Variants in CAMTA1 observed in about 807,000 individuals in gnomAD.
CAMTA1 encodes calmodulin-binding transcription activator 1.
Under a neutral mutation model 170.9 loss-of-function variants are expected in CAMTA1, and 27 were observed. That is an observed-to-expected ratio of 0.16 (90% CI 0.12 to 0.22). The LOEUF (loss-of-function observed/expected upper bound fraction) is 0.22, where lower values mean the gene tolerates loss of function less well. Among genes scored for constraint, CAMTA1 ranks in the 10% least tolerant of loss-of-function variants. The pLI, the probability that CAMTA1 is intolerant of heterozygous loss-of-function variation, is 1.00. For synonymous variants in CAMTA1, 833 were observed against 891.5 expected (o/e 0.93, Z 1.17); for missense variants, 1,619 against 2,217.2 (o/e 0.73, Z 5.42).
intron 5 of CAMTA1, among the ~76,000 whole-genome samples, chr1:7,367,843 G>A (rs2086099424): frequency 1.3e-5 from 2 of 152,088 alleles, no homozygotes; most frequent in South Asian, 4.1e-4. Flanking sequence ...ACTGGGCACA[G>A]GCCCTGGGCA....
At position 7,739,292 on chromosome 1, in the gene CAMTA1, G is replaced by A. The variant is rs150859478; in HGVS notation, c.4182+810G>A. ...CAAGGAGAGGGAGGTGTGTGGAGGA[G>A]ATCATATGTCCTGGTCAGCATATCT... is the stretch of plus-strand genomic sequence containing the variant. On this transcript the variant is annotated intron_variant, in intron 16 of 22. Coordinates refer to ENST00000303635, the MANE Select transcript of CAMTA1 (RefSeq NM_015215.4). 2.0e-5 allele frequency among the ~76,000 whole-genome samples: 3 copies of A among 152,302 alleles called. No homozygotes were observed. The East Asian group carries it at 5.8e-4, about 29-fold the overall frequency.
At chr1:7,517,930 C>T (rs1204504336) in intron 6 of CAMTA1, among the ~76,000 whole-genome samples, 1 of 151,908 alleles carries the variant, frequency 6.6e-6, no homozygotes, top group Admixed American at 6.5e-5. Context: ...CTCTGAGAGC[C>T]CAGGGTTAAG....
chr1:7,313,029 C>T (rs1166896196), intron 5 of CAMTA1, among the ~76,000 whole-genome samples: 1 of 151,896 alleles, frequency 6.6e-6, no homozygotes, highest in Admixed American at 6.6e-5. Flanking sequence ...GATTATGGTT[C>T]CTTTCTTGTG....
At chr1:7,505,712 C>T (rs991920916) in intron 6 of CAMTA1, among the ~76,000 whole-genome samples, 1 of 152,188 alleles carries the variant, frequency 6.6e-6, no homozygotes, top group Non-Finnish European at 1.5e-5. Flanking sequence ...TGACAGATAA[C>T]CTTGGAATGT....
chr1:7,237,555 TA>T (rs1244538066), intron 4 of CAMTA1, among the ~76,000 whole-genome samples: 1 of 152,118 alleles, frequency 6.6e-6, no homozygotes, highest in Non-Finnish European at 1.5e-5. Flanking sequence ...CTACACTTTT[TA>T]TTTTGCAGAA....
At position 7,581,385 on chromosome 1, in the gene CAMTA1, A is replaced by G. The variant is rs533384161; in HGVS notation, c.511-59015A>G. Among the ~76,000 whole-genome samples the G allele has an allele frequency of 5.3e-5, 8 of 152,368 alleles. No homozygotes were observed. In the South Asian group the frequency reaches 1.7e-3, roughly 32 times the overall value. ...TTCATCTATTTGTTTTGCAACTAGC[A>G]CTAGCGGCTTCATTACTCTGTTCCC... On this transcript the variant is annotated intron_variant, in intron 6 of 22. Transcript: ENST00000303635.
rs149702154 is a variant in CAMTA1, at chr1:7,737,262, C to T, written c.3350C>T (p.Ala1117Val). 2.9e-5 allele frequency: 46 copies of T among 1,612,968 alleles called. No homozygotes were observed. The highest frequency in any genetic ancestry group is 2.2e-4 in the Admixed American group (13 of 59,970). The change falls in exon 15 of 23, where the codon GCG becomes GTG. Residue 1117 changes from alanine (A) to valine (V), a missense_variant. Coordinates refer to ENST00000303635, the MANE Select transcript of CAMTA1 (RefSeq NM_015215.4). Reference protein sequence around the residue: ...DHFSCTPLMWACALGHLEAAV... With the variant: ...DHFSCTPLMWVCALGHLEAAV... ...TGTCTCCCTGTCTTCTAGATGTGGGCGTGTGCCCTAGGGCACTTGGAAGCT... is the reference window on the plus strand; with the variant it reads ...TGTCTCCCTGTCTTCTAGATGTGGGTGTGTGCCCTAGGGCACTTGGAAGCT...
intron 3 of CAMTA1, among the ~76,000 whole-genome samples, chr1:6,921,792 C>T (rs552168084): frequency 7.2e-5 from 11 of 152,280 alleles, no homozygotes; most frequent in South Asian, 4.2e-4. Context: ...GAGACTTATT[C>T]GCTATTATAA....
At chr1:6,848,251 A>G (rs952714522) in intron 3 of CAMTA1, among the ~76,000 whole-genome samples, 7 of 151,990 alleles carry the variant, frequency 4.6e-5, no homozygotes, top group South Asian at 2.1e-4. Context: ...GCCTCAAACA[A>G]TCCTCTCATA....
At chr1:6,804,743 A>C (rs930013790) in intron 1 of CAMTA1, among the ~76,000 whole-genome samples, 17 of 152,032 alleles carry the variant, frequency 1.1e-4, no homozygotes, top group African/African-American at 3.9e-4. Context: ...TATAATAGAG[A>C]TGGGGGTCTC....
intron 5 of CAMTA1, among the ~76,000 whole-genome samples, chr1:7,283,106 A>C (rs1671747793): frequency 6.6e-6 from 1 of 152,188 alleles, no homozygotes; most frequent in African/African-American, 2.4e-5. Flanking sequence ...AAAAGAGCAT[A>C]AAGAAGAGTA....
intron 1 of CAMTA1, among the ~76,000 whole-genome samples, chr1:6,798,698 G>C (rs992761682): frequency 7.3e-6 from 1 of 136,394 alleles, no homozygotes; most frequent in African/African-American, 2.8e-5. Flanking sequence ...CCGGGTTCAC[G>C]CCATTCTCCT....
intron 4 of CAMTA1, among the ~76,000 whole-genome samples, chr1:7,230,458 C>A: frequency 7.2e-6 from 1 of 139,032 alleles, no homozygotes; most frequent in African/African-American, 2.7e-5. Context: ...CCGCAAAGCT[C>A]TGTGGAAAGC....
At chr1:7,717,389 A>G (rs1055363376) in intron 11 of CAMTA1, among the ~76,000 whole-genome samples, 1 of 152,098 alleles carries the variant, frequency 6.6e-6, no homozygotes, top group African/African-American at 2.4e-5. Context: ...TCTTTCCACA[A>G]CGTTCATGTA....
At chr1:7,284,926 C>T (rs1352494779) in intron 5 of CAMTA1, among the ~76,000 whole-genome samples, 1 of 152,184 alleles carries the variant, frequency 6.6e-6, no homozygotes, top group Non-Finnish European at 1.5e-5. Flanking sequence ...AAGGATAGCC[C>T]AGTGGAGGGA....
intron 3 of CAMTA1, among the ~76,000 whole-genome samples, chr1:6,850,503 G>A (rs1294207655): frequency 6.6e-6 from 1 of 152,196 alleles, no homozygotes; most frequent in Non-Finnish European, 1.5e-5. Context: ...GGAGAGTAGG[G>A]AAGATTTTTC....
intron 11 of CAMTA1, among the ~76,000 whole-genome samples, chr1:7,722,534 G>T (rs1170876755): frequency 6.6e-6 from 1 of 151,940 alleles, no homozygotes; most frequent in East Asian, 1.9e-4. Context: ...AGCTATTCTG[G>T]GATTATGAGT....
intron 7 of CAMTA1, among the ~76,000 whole-genome samples, chr1:7,655,088 CTA>C (rs1299910664): frequency 2.7e-4 from 16 of 59,700 alleles, no homozygotes; most frequent in African/African-American, 1.1e-3. Context: ...ACACACCCAC[CTA>C]TACACACACA....
intron 6 of CAMTA1, among the ~76,000 whole-genome samples, chr1:7,613,990 C>T (rs2095541959): frequency 7.4e-6 from 1 of 134,616 alleles, no homozygotes; most frequent in South Asian, 2.6e-4. Context: ...GGAGGGCAGG[C>T]CTGACCCAGA....
Sources: gnomAD v4.1 joint callset for allele counts (sites outside exome capture counted in the v4.1 genomes callset) on GRCh38, gnomAD v4.1.1 for gene constraint, MANE v1.5 for transcripts, NCBI Gene and HGNC (gene_info 2026-07-23, HGNC 2026-07-21) for gene names.